CENPP: variants seen among roughly 807,000 people sequenced by gnomAD.
The protein encoded by CENPP is centromere protein P.
CENPP carries 24 observed loss-of-function variants against 35.6 expected under a neutral mutation model. The ratio of observed to expected loss-of-function variants is 0.67; its 90% confidence interval spans 0.49 to 0.95. CENPP has a LOEUF of 0.95. Ranked by LOEUF, CENPP falls within the 40% of genes least tolerant of loss-of-function variation. CENPP has a pLI of 0.00. For missense variants in CENPP, 332 were observed against 345.3 expected (o/e 0.96, Z 0.31); for synonymous variants, 120 against 125.5 (o/e 0.96, Z 0.29).
Position 92,365,406 on chromosome 9 carries a change from C to CTTT in CENPP, c.468-14337_468-14335dup, listed in dbSNP as rs33952600. Among the ~76,000 whole-genome samples, 326 of 81,490 alleles carry CTTT rather than the reference C, an allele frequency of 4.0e-3. 2 individuals carry two copies. Among genetic ancestry groups the CTTT allele is most frequent in the African/African-American group, 0.014 (273 of 19,368 alleles). 53.5% of individuals were successfully genotyped at this position (81,490 alleles called of 152,430 possible). ...AATTATGCCTTGTATTATAACTACT[C>CTTT]TTTTTTTTTTTTTTTTTTTTTTGAG... On this transcript the variant is annotated intron_variant, in intron 4 of 7. Transcript: ENST00000375587.
intron 5 of CENPP, among the ~76,000 whole-genome samples, chr9:92,519,602 A>C (rs1462459944): frequency 6.6e-6 from 1 of 152,234 alleles, no homozygotes; most frequent in Non-Finnish European, 1.5e-5. Flanking sequence ...AACACCAGCA[A>C]GAGAATGAAG....
intron 4 of CENPP, among the ~76,000 whole-genome samples, chr9:92,376,488 G>T (rs765055201): frequency 2.0e-5 from 3 of 152,124 alleles, no homozygotes; most frequent in Non-Finnish European, 4.4e-5. Flanking sequence ...AAGAAGGAGA[G>T]GAGCTGTCTG....
In CENPP at chr9:92,613,355, G is replaced by A. The variant is rs1338140304; in HGVS notation, c.*206G>A. The A allele has an allele frequency of 5.6e-6, 3 of 538,794 alleles. No homozygotes were observed. The highest frequency in any genetic ancestry group is 1.9e-5 in the African/African-American group (1 of 52,390). The allele number at this position is 538,794 out of a possible 1,614,324, so 33.4% of individuals were successfully genotyped here. A position where few individuals can be genotyped will look rare whatever the true frequency, so the allele number is the denominator to read the frequency against. ...ATAAAATGCCAAATAAAAGTGACAC[G>A]TACAATGTGGTTTATAAAAATAAGC... is the stretch of plus-strand genomic sequence containing the variant. On this transcript the variant is annotated 3_prime_UTR_variant, in exon 8 of 8. Transcript: ENST00000375587.
chr9:92,519,552 A>G (rs1847935176), intron 5 of CENPP, among the ~76,000 whole-genome samples: 4 of 152,240 alleles, frequency 2.6e-5, no homozygotes, highest in Admixed American at 2.6e-4. Context: ...AAGACCATTC[A>G]GTGGAGGAAA....
At chr9:92,422,324 G>A (rs1333182018) in intron 5 of CENPP, among the ~76,000 whole-genome samples, 5 of 152,200 alleles carry the variant, frequency 3.3e-5, no homozygotes, top group South Asian at 2.1e-4. Context: ...AAAGTGCTGA[G>A]ATTACAGGTG....
chr9:92,583,530 C>CA (rs1169556240), intron 5 of CENPP, among the ~76,000 whole-genome samples: 2 of 152,154 alleles, frequency 1.3e-5, no homozygotes, highest in African/African-American at 4.8e-5. Context: ...TCACAAGTAT[C>CA]ATTCTTAAAC....
Position 92,517,800 on chromosome 9 carries a change from G to A in CENPP, c.565-93514G>A, listed in dbSNP as rs747104624. On this transcript the variant is annotated intron_variant, in intron 5 of 7. Transcript: ENST00000375587. ...AACTCTTCCATCTGAGCAGAGGCAG[G>A]TAGTGCAGGGCTCAGGCGACCACAC... 2 of 1,614,200 alleles carry A rather than the reference G, an allele frequency of 1.2e-6. No individual in the cohort carries two copies. Among genetic ancestry groups the A allele is most frequent in the Non-Finnish European group, 1.7e-6 (2 of 1,180,042 alleles).
intron 2 of CENPP, among the ~76,000 whole-genome samples, chr9:92,334,604 G>GT (rs1840863181): frequency 6.6e-6 from 1 of 152,222 alleles, no homozygotes; most frequent in East Asian, 1.9e-4. Context: ...ATCAGGCCAG[G>GT]TGCAGTGGCT....
At chr9:92,555,476 G>A (rs932556464) in intron 5 of CENPP, among the ~76,000 whole-genome samples, 2 of 151,810 alleles carry the variant, frequency 1.3e-5, no homozygotes, top group African/African-American at 4.8e-5. Flanking sequence ...TGATCCACCC[G>A]TCTCAGCCTC....
intron 5 of CENPP, among the ~76,000 whole-genome samples, chr9:92,405,789 T>A (rs2130939002): frequency 6.6e-6 from 1 of 152,326 alleles, no homozygotes. Context: ...AAAATTATTT[T>A]GTGAAGAACA....
At chr9:92,327,263 T>C (rs567354831) in intron 1 of CENPP, among the ~76,000 whole-genome samples, 31 of 152,348 alleles carry the variant, frequency 2.0e-4, no homozygotes, top group African/African-American at 7.5e-4. Context: ...TAGTGTCAAC[T>C]GAAAAATCAT....
chr9:92,490,690 G>A (rs1846154200), intron 5 of CENPP, among the ~76,000 whole-genome samples: 1 of 152,190 alleles, frequency 6.6e-6, no homozygotes, highest in Non-Finnish European at 1.5e-5. Flanking sequence ...GGCTTTGGAA[G>A]GCATAGTCAG....
At chr9:92,438,291 G>A (rs1242273893) in intron 5 of CENPP, among the ~76,000 whole-genome samples, 1 of 152,238 alleles carries the variant, frequency 6.6e-6, no homozygotes, top group East Asian at 1.9e-4. Flanking sequence ...TAGGATCTAA[G>A]TTCACTTTTT....
At chr9:92,345,047 C>T (rs1270098469) in intron 3 of CENPP, among the ~76,000 whole-genome samples, 2 of 151,056 alleles carry the variant, frequency 1.3e-5, no homozygotes, top group African/African-American at 4.9e-5. Flanking sequence ...GTCAGGAGAT[C>T]GAGACCATTC....
At chr9:92,543,471 CAAAAAAAAAAAAAAAA>C (rs71362401) in intron 5 of CENPP, among the ~76,000 whole-genome samples, 2 of 44,522 alleles carry the variant, frequency 4.5e-5, no homozygotes, top group African/African-American at 1.9e-4. Context: ...AACCCTGTCT[CAAAAAAAAAAAAAAAA>C]AAAAAAAAAA....
chr9:92,352,467 C>CTGTGTG (rs61233585), intron 4 of CENPP, among the ~76,000 whole-genome samples: 3,660 of 70,882 alleles, frequency 0.052, 274 homozygotes, highest in African/African-American at 0.18. Flanking sequence ...TGCTTAAAGC[C>CTGTGTG]TGTGTGTGTG....
At chr9:92,346,195 A>AT (rs909928362) in intron 4 of CENPP, among the ~76,000 whole-genome samples, 115 of 151,462 alleles carry the variant, frequency 7.6e-4, no homozygotes, top group Middle Eastern at 3.4e-3. Context: ...TTATTTTTGT[A>AT]TTTTTTTTTA....
At chr9:92,589,217 T>C (rs1850612724) in intron 5 of CENPP, among the ~76,000 whole-genome samples, 2 of 151,578 alleles carry the variant, frequency 1.3e-5, no homozygotes, top group Admixed American at 1.3e-4. Context: ...TGCACACCTG[T>C]AGTCCCAGTG....
intron 5 of CENPP, among the ~76,000 whole-genome samples, chr9:92,487,656 C>T (rs1246456825): frequency 6.6e-6 from 1 of 152,112 alleles, no homozygotes; most frequent in Non-Finnish European, 1.5e-5. Context: ...GAGATCCTGT[C>T]TCTACAAAAA....
Sources: gnomAD v4.1 joint callset for allele counts (sites outside exome capture counted in the v4.1 genomes callset) on GRCh38, gnomAD v4.1.1 for gene constraint, MANE v1.5 for transcripts, NCBI Gene and HGNC (gene_info 2026-07-23, HGNC 2026-07-21) for gene names.